The following GALNT13 variants were observed in gnomAD, a reference collection of about 807,000 sequenced individuals.
GALNT13 encodes the protein polypeptide N-acetylgalactosaminyltransferase 13, also known as UDP-GalNAc:polypeptide N-acetylgalactosaminyltransferase 13.
Under a neutral mutation model 64.2 loss-of-function variants are expected in GALNT13, and 28 were observed. The ratio of observed to expected loss-of-function variants is 0.44; its 90% confidence interval spans 0.32 to 0.60. The LOEUF is 0.60. Among genes scored for constraint, GALNT13 ranks in the 20% least tolerant of loss-of-function variants. GALNT13 has a pLI of 0.05. For missense variants in GALNT13, 577 were observed against 669.8 expected (o/e 0.86, Z 1.53); for synonymous variants, 214 against 224.6 (o/e 0.95, Z 0.42).
intron 3 of GALNT13, among the ~76,000 whole-genome samples, chr2:154,091,685 CTTAT>C (rs1351177267): frequency 6.6e-6 from 1 of 151,760 alleles, no homozygotes; most frequent in Non-Finnish European, 1.5e-5. Context: ...TATTAAATCA[CTTAT>C]TTAATTCATT....
At chr2:153,919,404 A>C (rs777696665) in intron 2 of GALNT13, among the ~76,000 whole-genome samples, 1 of 151,980 alleles carries the variant, frequency 6.6e-6, no homozygotes, top group Non-Finnish European at 1.5e-5. Context: ...GAATACCACT[A>C]TTTTTTCTGT....
chr2:153,452,724 A>G, the GALNT13 span, among the ~76,000 whole-genome samples: 1 of 152,090 alleles, frequency 6.6e-6, no homozygotes, highest in Admixed American at 6.6e-5. Context: ...GATTCAAGCT[A>G]TTCCTATTAA....
intron 8 of GALNT13, among the ~76,000 whole-genome samples, chr2:154,297,354 A>G (rs1032438446): frequency 6.6e-6 from 1 of 152,186 alleles, no homozygotes; most frequent in Non-Finnish European, 1.5e-5. Context: ...GAGGGCTCCC[A>G]CAAAATTCAT....
the GALNT13 span, among the ~76,000 whole-genome samples, chr2:153,635,400 A>ATATATATATATATACACATATATATG: frequency 9.5e-3 from 143 of 15,058 alleles, 6 homozygotes; most frequent in East Asian, 0.19. Context: ...GTAAATATGT[A>ATATATATATATATACACATATATATG]TATATATATA....
chr2:153,455,268 G>A, the GALNT13 span, among the ~76,000 whole-genome samples: 1 of 152,190 alleles, frequency 6.6e-6, no homozygotes, highest in African/African-American at 2.4e-5. Context: ...AGGAATACAA[G>A]TATAGGAGTA....
intron 3 of GALNT13, among the ~76,000 whole-genome samples, chr2:154,131,950 T>A (rs999310501): frequency 2.6e-5 from 4 of 152,182 alleles, no homozygotes; most frequent in African/African-American, 9.6e-5. Flanking sequence ...GAGTACCATG[T>A]TCGAGGGCAG....
chr2:153,692,092 G>A, the GALNT13 span, among the ~76,000 whole-genome samples: 19 of 152,094 alleles, frequency 1.2e-4, no homozygotes, highest in Non-Finnish European at 5.9e-5. Context: ...TGATAGGGAT[G>A]AATCTCACAA....
intron 3 of GALNT13, among the ~76,000 whole-genome samples, chr2:154,091,194 G>A (rs1242405309): frequency 6.6e-6 from 1 of 151,792 alleles, no homozygotes; most frequent in African/African-American, 2.4e-5. Flanking sequence ...TCTCCATTTG[G>A]GAGTGCAGAC....
the GALNT13 span, among the ~76,000 whole-genome samples, chr2:153,857,633 T>A: frequency 6.6e-6 from 1 of 152,220 alleles, no homozygotes. Flanking sequence ...GCATATTTAT[T>A]CACATAGGAA....
the GALNT13 span, among the ~76,000 whole-genome samples, chr2:153,445,058 A>G: frequency 6.6e-6 from 1 of 152,206 alleles, no homozygotes; most frequent in Admixed American, 6.5e-5. Context: ...ATAGCAATTG[A>G]CAGTGTCAAT....
intron 3 of GALNT13, among the ~76,000 whole-genome samples, chr2:153,962,363 A>G (rs996908069): frequency 5.3e-5 from 8 of 152,234 alleles, no homozygotes; most frequent in Admixed American, 2.6e-4. Context: ...TGTGGAATGA[A>G]TCAGTACATG....
chr2:154,000,074 T>A (rs1254127700), intron 3 of GALNT13, among the ~76,000 whole-genome samples: 1 of 151,334 alleles, frequency 6.6e-6, no homozygotes, highest in African/African-American at 2.4e-5. Context: ...AAGGTTGTAT[T>A]TGTCCAGGAA....
the GALNT13 span, among the ~76,000 whole-genome samples, chr2:153,623,615 A>T: frequency 6.6e-6 from 1 of 152,066 alleles, no homozygotes; most frequent in African/African-American, 2.4e-5. Flanking sequence ...ATAACTATAC[A>T]TACAGAATGG....
the GALNT13 span, among the ~76,000 whole-genome samples, chr2:153,353,117 A>G: frequency 6.6e-6 from 1 of 152,040 alleles, no homozygotes; most frequent in Non-Finnish European, 1.5e-5. Flanking sequence ...TTTATTTAGT[A>G]GTTCTTTGGG....
the GALNT13 span, among the ~76,000 whole-genome samples, chr2:153,701,160 G>C: frequency 6.6e-6 from 1 of 152,092 alleles, no homozygotes; most frequent in Admixed American, 6.6e-5. Context: ...AACACCAATG[G>C]AACAGAACAG....
chr2:154,297,877 G>GAA (rs140416345), intron 8 of GALNT13, among the ~76,000 whole-genome samples: 1 of 147,680 alleles, frequency 6.8e-6, no homozygotes. Flanking sequence ...CTATCAATTG[G>GAA]AAAAAAAAAA....
chr2:153,148,421 T>C, the GALNT13 span, among the ~76,000 whole-genome samples: 4 of 151,618 alleles, frequency 2.6e-5, no homozygotes, highest in Non-Finnish European at 5.9e-5. Flanking sequence ...GTAGTGTGAA[T>C]CAAATCGTAG....
chr2:153,255,963 A>G, the GALNT13 span, among the ~76,000 whole-genome samples: 1 of 152,162 alleles, frequency 6.6e-6, no homozygotes, highest in African/African-American at 2.4e-5. Context: ...GCTCTTCTCG[A>G]GGAATATCTT....
the GALNT13 span, among the ~76,000 whole-genome samples, chr2:153,251,008 C>T: frequency 6.6e-6 from 1 of 152,138 alleles, no homozygotes; most frequent in African/African-American, 2.4e-5. Context: ...CAAACCTGCA[C>T]ATTCTGCACA....
Sources: allele counts gnomAD v4.1 joint callset (sites outside exome capture counted in the v4.1 genomes callset), GRCh38; gene constraint gnomAD v4.1.1; transcripts MANE v1.5; gene names NCBI Gene and HGNC (gene_info 2026-07-23, HGNC 2026-07-21).